The following GGA2 variants were observed in gnomAD, a reference collection of about 807,000 sequenced individuals.
The protein encoded by GGA2 is golgi associated, gamma adaptin ear containing, ARF binding protein 2, also known as ADP-ribosylation factor-binding protein GGA2.
In GGA2, 48 loss-of-function variants were observed where a neutral mutation model predicts 79.5. The ratio of observed to expected loss-of-function variants is 0.60; its 90% CI spans 0.48 to 0.77. The LOEUF is 0.77. Among genes scored for constraint, GGA2 ranks in the 30% least tolerant of loss-of-function variants. The probability of loss-of-function intolerance (pLI) is 0.00; values close to 1 mark genes in which losing one functional copy is unlikely to be tolerated. For missense variants in GGA2, 770 were observed against 774.0 expected (o/e 0.99, Z 0.06); for synonymous variants, 317 against 302.0 (o/e 1.05, Z -0.51).
chr16:23,494,131 A>G, intron 3 of GGA2, 172 bp downstream of exon 3: 1 of 608,964 alleles, frequency 1.6e-6, no homozygotes, highest in South Asian at 2.0e-5. Context: ...AACAGGAGGA[A>G]GAAGGGTGGG....
At chr16:23,512,762 T>A (rs1248340269), upstream of GGA2, among the ~76,000 whole-genome samples, 1 of 130,018 alleles carries the variant, frequency 7.7e-6, no homozygotes, top group African/African-American at 3.0e-5. Flanking sequence ...TGGAGTGCAA[T>A]GGTGCAATCT....
chr16:23,513,871 T>G (rs1965088650), upstream of GGA2, among the ~76,000 whole-genome samples: 1 of 150,498 alleles, frequency 6.6e-6, no homozygotes, highest in African/African-American at 2.4e-5. Flanking sequence ...TGATAACAGG[T>G]GGTCATGCCC....
chr16:23,504,576 G>A (rs1169731568), intron 1 of GGA2, among the ~76,000 whole-genome samples: 1 of 152,192 alleles, frequency 6.6e-6, no homozygotes, highest in African/African-American at 2.4e-5. Flanking sequence ...TATTTCAGAA[G>A]ACTTGAGCAG....
chr16:23,489,996 GTGCC>G (rs1386404726), intron 5 of GGA2, among the ~76,000 whole-genome samples: 1 of 152,216 alleles, frequency 6.6e-6, no homozygotes, highest in African/African-American at 2.4e-5. Flanking sequence ...CCAGGATGCA[GTGCC>G]TGCCTAAGAA....
chr16:23,509,436 T>C (rs1165642359), intron 1 of GGA2, among the ~76,000 whole-genome samples: 1 of 152,016 alleles, frequency 6.6e-6, no homozygotes, highest in Admixed American at 6.6e-5. Flanking sequence ...AACGCCCTCC[T>C]CCTCCTCGCC....
chr16:23,470,663 TGA>T, intron 14 of GGA2, among the ~76,000 whole-genome samples: 1 of 151,914 alleles, frequency 6.6e-6, no homozygotes, highest in Admixed American at 6.6e-5. Flanking sequence ...TTTGAGAGGC[TGA>T]GGCACGAAAA....
In GGA2 at chr16:23,491,776, T is replaced by G; in HGVS notation, c.376A>C (p.Lys126Gln). The change falls in exon 5 of 17, where the codon AAA (lysine) becomes CAA (glutamine). Residue 126 changes from lysine to glutamine, a missense_variant. Lys to Gln is a moderately conservative substitution (Grantham distance 53). Coordinates refer to ENST00000309859, the MANE Select transcript of GGA2 (RefSeq NM_015044.4). ...PKYLGSWATGKVKGRVIEILF... is the reference protein window; with the variant it reads ...PKYLGSWATGQVKGRVIEILF... ...ATTTCAATGACTCTTCCTTTAACTT[T>G]TCCTGTGGCCCAGGACCCCAGGTAC... 6.2e-7 allele frequency: 1 copy of G among 1,612,586 alleles called. No homozygotes were observed. The highest frequency in any genetic ancestry group is 8.5e-7 in the Non-Finnish European group (1 of 1,178,676).
intron 13 of GGA2, among the ~76,000 whole-genome samples, chr16:23,478,070 G>A (rs1029058635): frequency 8.0e-5 from 12 of 149,702 alleles, no homozygotes; most frequent in African/African-American, 1.2e-4. Flanking sequence ...ATGGTGGCGC[G>A]TGCCTGTAAT....
At position 23,499,829 on chromosome 16, in the gene GGA2, T is replaced by C. The variant is rs1964900201; in HGVS notation, c.92-4051A>G. 3.3e-5 allele frequency among the ~76,000 whole-genome samples: 5 copies of C among 152,232 alleles called. No homozygotes were observed. In the South Asian group the frequency reaches 1.0e-3, roughly 32 times the overall value. On this transcript the variant is annotated intron_variant, in intron 1 of 16. Transcript: ENST00000309859. ...AGACCTTCCTCACAGTGTAGAAACC[T>C]GAAAGCTCCCAGCAGCCAGCAATGA... is the stretch of plus-strand genomic sequence containing the variant.
In GGA2 at chr16:23,478,858, C is replaced by T. The variant is rs994411813; in HGVS notation, c.1158+25G>A. ...GTCTGAGACCCTCCCATTCTCTCTC[C>T]GGGCCCTGGGAAGGGCATCCTTACC... is the stretch of plus-strand genomic sequence containing the variant. On this transcript the variant is annotated intron_variant, in intron 12 of 16. Transcript: ENST00000309859. 29 of 1,562,010 alleles carry T rather than the reference C, an allele frequency of 1.9e-5. No homozygotes were observed. In the East Asian group the frequency reaches 4.0e-4, roughly 22 times the overall value.
chr16:23,497,039 C>CTTGAGGCTGA (rs59785925), intron 1 of GGA2, among the ~76,000 whole-genome samples: 129,005 of 150,310 alleles, frequency 0.86, 55,564 homozygotes, highest in African/African-American at 0.91. Flanking sequence ...GGAAAGACTG[C>CTTGAGGCTGA]GGCTGCAGTG....
At chr16:23,475,976 T>A (rs937578350) in intron 13 of GGA2, among the ~76,000 whole-genome samples, 4 of 151,844 alleles carry the variant, frequency 2.6e-5, no homozygotes, top group Non-Finnish European at 2.9e-5. Flanking sequence ...TGTCCACACA[T>A]AATAAGAACC....
At chr16:23,518,684 T>C (rs956875641) in intron 2 of GGA2, among the ~76,000 whole-genome samples, 5 of 144,720 alleles carry the variant, frequency 3.5e-5, no homozygotes, top group African/African-American at 1.3e-4. Flanking sequence ...GAGGAAAGAC[T>C]TCCCCGCTTA....
In GGA2 at chr16:23,480,759, G is replaced by A; in HGVS notation, c.892C>T (p.Gln298Ter). The A allele has an allele frequency of 1.2e-6, 2 of 1,608,820 alleles. No individual in the cohort carries two copies. The highest frequency in any genetic ancestry group is 1.7e-6 in the Non-Finnish European group (2 of 1,175,532). The change falls in exon 10 of 17, where the codon CAG (glutamine) becomes TAG (stop). Residue 298 changes from glutamine to a stop codon, truncating the protein, a stop_gained. Coordinates refer to ENST00000309859, the MANE Select transcript of GGA2 (RefSeq NM_015044.4). LOFTEE classifies it high-confidence loss of function. Reference protein sequence around the residue: ...DDDDALAEILQANDLLTQGVL... With the variant: ...DDDDALAEIL ...CCTTGGGTGAGGAGGTCATTTGCCTGGAGAATTTCCGCTGAAGAATGAGGG... is the reference window on the plus strand; with the variant it reads ...CCTTGGGTGAGGAGGTCATTTGCCTAGAGAATTTCCGCTGAAGAATGAGGG...
chr16:23,510,267 C>T (rs1231496483), intron 1 of GGA2, 54 bp downstream of exon 1: 1 of 1,176,906 alleles, frequency 8.5e-7, no homozygotes, highest in Non-Finnish European at 1.1e-6. Flanking sequence ...AGGCGGGAAG[C>T]GAGGCCTCAC....
chr16:23,524,180 TC>T, upstream of GGA2: 1 of 623,422 alleles, frequency 1.6e-6, no homozygotes, highest in Non-Finnish European at 2.9e-6. Flanking sequence ...GGGTTGGGCT[TC>T]CCCAGCCAAT....
chr16:23,501,119 G>A (rs768850795), intron 1 of GGA2: 15 of 395,960 alleles, frequency 3.8e-5, no homozygotes, highest in Non-Finnish European at 6.4e-5. Flanking sequence ...CACAAGAGAA[G>A]GTTCCAGGGA....
intron 6 of GGA2, among the ~76,000 whole-genome samples, chr16:23,487,201 C>T (rs1964726550): frequency 6.6e-6 from 1 of 152,062 alleles, no homozygotes; most frequent in African/African-American, 2.4e-5. Context: ...AGGATGGTCT[C>T]AATCTCTTGA....
At chr16:23,485,187 CAG>C (rs1384328274) in intron 8 of GGA2, among the ~76,000 whole-genome samples, 1 of 152,164 alleles carries the variant, frequency 6.6e-6, no homozygotes, top group South Asian at 2.1e-4. Context: ...TAAGCAAATC[CAG>C]AGAGACAGAA....
Sources: allele counts gnomAD v4.1 joint callset (sites outside exome capture counted in the v4.1 genomes callset), GRCh38; gene constraint gnomAD v4.1.1; transcripts MANE v1.5; gene names NCBI Gene and HGNC (gene_info 2026-07-23, HGNC 2026-07-21).